KCNIP1: variants seen among roughly 807,000 people sequenced by gnomAD.
KCNIP1 encodes the protein A-type potassium channel modulatory protein KCNIP1.
A neutral mutation model predicts 33.0 loss-of-function variants in KCNIP1; 18 were observed. The ratio of observed to expected loss-of-function variants is 0.55; its 90% CI spans 0.38 to 0.81. The LOEUF is 0.81. KCNIP1 is among the 30% of genes least tolerant of loss of function. The pLI is 0.00. For synonymous variants in KCNIP1, 93 were observed against 98.3 expected (o/e 0.95, Z 0.32); for missense variants, 238 against 271.6 (o/e 0.88, Z 0.87).
At chr5:170,665,273 A>G (rs1477167192) in intron 1 of KCNIP1, among the ~76,000 whole-genome samples, 1 of 152,222 alleles carries the variant, frequency 6.6e-6, no homozygotes, top group African/African-American at 2.4e-5. Context: ...AAGGCCAGTT[A>G]GATACAATAA....
intron 1 of KCNIP1, among the ~76,000 whole-genome samples, chr5:170,609,444 T>G (rs1042878607): frequency 1.3e-5 from 2 of 152,186 alleles, no homozygotes; most frequent in Non-Finnish European, 2.9e-5. Context: ...GACGCTCATG[T>G]TAGCCTAACA....
At chr5:170,672,463 G>A (rs1439414575) in intron 1 of KCNIP1, among the ~76,000 whole-genome samples, 1 of 152,362 alleles carries the variant, frequency 6.6e-6, no homozygotes, top group Non-Finnish European at 1.5e-5. Context: ...GAATCCAAAC[G>A]CTTCCAAAGG....
Position 170,712,860 on chromosome 5 carries a change from C to T in KCNIP1, c.62-5898C>T, listed in dbSNP as rs370081246. On this transcript the variant is annotated intron_variant, in intron 1 of 7. Coordinates refer to ENST00000328939, the MANE Select transcript of KCNIP1 (RefSeq NM_014592.4). Reference sequence around the variant, plus strand: ...TTTTCTCACTCTTTCCTAGACATCGCCTGGTGGTATTACCAGTATCAGAGA... The same window carrying T: ...TTTTCTCACTCTTTCCTAGACATCGTCTGGTGGTATTACCAGTATCAGAGA... 254 of 1,613,792 alleles carry T rather than the reference C, an allele frequency of 1.6e-4. No individual in the cohort carries two copies. The highest frequency in any genetic ancestry group is 2.1e-4 in the Non-Finnish European group (243 of 1,179,758).
chr5:170,447,200 C>T (rs566338918), intron 1 of KCNIP1, among the ~76,000 whole-genome samples: 2 of 152,216 alleles, frequency 1.3e-5, no homozygotes, highest in South Asian at 4.1e-4. Flanking sequence ...GCTCCTACTG[C>T]AAGAGAGAGG....
At chr5:170,529,782 C>T (rs1755716774) in intron 1 of KCNIP1, among the ~76,000 whole-genome samples, 1 of 152,184 alleles carries the variant, frequency 6.6e-6, no homozygotes, top group South Asian at 2.1e-4. Context: ...AGAGTTAGAG[C>T]TTATAAATGG....
intron 1 of KCNIP1, among the ~76,000 whole-genome samples, chr5:170,537,564 G>T (rs1260426523): frequency 1.3e-5 from 2 of 152,190 alleles, no homozygotes; most frequent in African/African-American, 4.8e-5. Context: ...TGTTGGCTGG[G>T]GAGGCTGACC....
intron 1 of KCNIP1, among the ~76,000 whole-genome samples, chr5:170,654,587 C>T (rs1761188218): frequency 6.6e-6 from 1 of 152,174 alleles, no homozygotes; most frequent in Non-Finnish European, 1.5e-5. Flanking sequence ...GCAAAGTATT[C>T]GTTCCAGCTA....
intron 1 of KCNIP1, among the ~76,000 whole-genome samples, chr5:170,633,697 GGAGGGGGC>G (rs1211606604): frequency 4.4e-5 from 3 of 68,878 alleles, no homozygotes; most frequent in African/African-American, 1.2e-4. Flanking sequence ...GCGGGGCGGA[GGAGGGGGC>G]GAGGGGGCGG....
intron 1 of KCNIP1, among the ~76,000 whole-genome samples, chr5:170,381,938 C>T (rs1342073674): frequency 1.3e-5 from 2 of 152,158 alleles, no homozygotes; most frequent in East Asian, 1.9e-4. Flanking sequence ...GTCATACTAG[C>T]GATGACAGAA....
chr5:170,512,788 G>A (rs372634723), intron 1 of KCNIP1, among the ~76,000 whole-genome samples: 3 of 152,180 alleles, frequency 2.0e-5, no homozygotes, highest in Non-Finnish European at 2.9e-5. Flanking sequence ...GGTGGCTCAC[G>A]CCTGTAATCC....
chr5:170,387,169 C>T (rs1004775795), intron 1 of KCNIP1, among the ~76,000 whole-genome samples: 1 of 152,146 alleles, frequency 6.6e-6, no homozygotes. Context: ...TGTAATCCTC[C>T]ATTTTAGGGG....
At chr5:170,501,998 C>A (rs73313424), upstream of KCNIP1, among the ~76,000 whole-genome samples, 558 of 152,316 alleles carry the variant, frequency 3.7e-3, 4 homozygotes, top group South Asian at 0.034. Flanking sequence ...TCTGGTGGGA[C>A]CCCCAGCAGG....
chr5:170,503,971 T>C, upstream of KCNIP1: 3 of 482,414 alleles, frequency 6.2e-6, no homozygotes, highest in African/African-American at 2.7e-5. Flanking sequence ...GCCCCGCCCC[T>C]CCGTAGTTGC....
intron 1 of KCNIP1, among the ~76,000 whole-genome samples, chr5:170,607,439 G>A (rs138247184): frequency 2.7e-3 from 409 of 152,240 alleles, no homozygotes; most frequent in African/African-American, 8.6e-3. Flanking sequence ...CAAACCCAGG[G>A]CTGGGGGCCT....
At chr5:170,354,067 T>C in intron 1 of KCNIP1, 1 of 1,076,472 alleles carries the variant, frequency 9.3e-7, no homozygotes, top group Non-Finnish European at 1.4e-6. Flanking sequence ...ACCCAGGTCT[T>C]GGAAAAAGCT....
intron 1 of KCNIP1, among the ~76,000 whole-genome samples, chr5:170,677,747 T>G (rs1188078994): frequency 6.6e-6 from 1 of 152,038 alleles, no homozygotes; most frequent in Non-Finnish European, 1.5e-5. Flanking sequence ...CACATCCCCC[T>G]GACACACATC....
chr5:170,403,531 TA>T (rs1158320376), intron 1 of KCNIP1, among the ~76,000 whole-genome samples: 2 of 152,318 alleles, frequency 1.3e-5, no homozygotes, highest in East Asian at 3.9e-4. Flanking sequence ...AGGCCCTGTT[TA>T]CTCCTGTCAT....
At chr5:170,683,894 A>ATGTGTG (rs1168722972) in intron 1 of KCNIP1, among the ~76,000 whole-genome samples, 4,611 of 91,492 alleles carry the variant, frequency 0.05, 114 homozygotes, top group Non-Finnish European at 0.066. Context: ...CAGCTAGTGT[A>ATGTGTG]TGTGTGTGTG....
At chr5:170,379,499 G>A (rs1581127722) in intron 1 of KCNIP1, among the ~76,000 whole-genome samples, 1 of 152,158 alleles carries the variant, frequency 6.6e-6, no homozygotes, top group Admixed American at 6.5e-5. Context: ...GATGACAGGT[G>A]CCCACTGACT....
Sources: allele counts gnomAD v4.1 joint callset (sites outside exome capture counted in the v4.1 genomes callset), GRCh38; gene constraint gnomAD v4.1.1; transcripts MANE v1.5; gene names NCBI Gene and HGNC (gene_info 2026-07-23, HGNC 2026-07-21).